TRIM55: variants seen among roughly 807,000 people sequenced by gnomAD.
The protein encoded by TRIM55 is tripartite motif-containing protein 55.
TRIM55 carries 50 observed loss-of-function variants against 60.9 expected under a neutral mutation model. That is an observed-to-expected ratio of 0.82 (90% confidence interval 0.65 to 1.04). TRIM55 has a LOEUF of 1.04. Among genes scored for constraint, TRIM55 ranks in the 50% least tolerant of loss-of-function variants. The pLI is 0.00. For synonymous variants in TRIM55, 237 were observed against 238.1 expected, an observed-to-expected ratio of 1.00 and a Z score of 0.04; for missense variants, 681 against 666.9, an observed-to-expected ratio of 1.02 and a Z score of -0.23.
chr8:66,116,520 T>G, the TRIM55 span, among the ~76,000 whole-genome samples: 1 of 150,852 alleles, frequency 6.6e-6, no homozygotes, highest in Non-Finnish European at 1.5e-5. Flanking sequence ...GGTAGGAGGA[T>G]CTCTTGAACC....
At chr8:66,122,189 G>A (rs941380556), upstream of TRIM55, among the ~76,000 whole-genome samples, 2 of 152,108 alleles carry the variant, frequency 1.3e-5, no homozygotes, top group African/African-American at 2.4e-5. Context: ...AAGCTAAAGG[G>A]AAAAGTCAAG....
intron 4 of TRIM55, among the ~76,000 whole-genome samples, chr8:66,138,185 T>C (rs1204585197): frequency 1.3e-5 from 2 of 152,200 alleles, no homozygotes; most frequent in African/African-American, 4.8e-5. Context: ...GCCTCTCTTG[T>C]TATCTATTTA....
the TRIM55 span, among the ~76,000 whole-genome samples, chr8:66,115,542 C>A: frequency 6.6e-6 from 1 of 152,144 alleles, no homozygotes; most frequent in Non-Finnish European, 1.5e-5. Context: ...GGAAGTAATG[C>A]GCCCAAAACC....
intron 7 of TRIM55, 81 bp downstream of exon 7, chr8:66,150,547 A>AT: frequency 1.3e-6 from 2 of 1,517,016 alleles, no homozygotes; most frequent in Admixed American, 3.5e-5. Flanking sequence ...GAAAGCGGGG[A>AT]TTCAGAATCA....
At chr8:66,169,397 A>T (rs767211382) in intron 9 of TRIM55, among the ~76,000 whole-genome samples, 1 of 152,184 alleles carries the variant, frequency 6.6e-6, no homozygotes, top group Non-Finnish European at 1.5e-5. Flanking sequence ...CACTGTCAAG[A>T]TTCTTGCCAT....
upstream of TRIM55, among the ~76,000 whole-genome samples, chr8:66,124,561 C>T (rs1808750061): frequency 1.3e-5 from 2 of 152,116 alleles, 1 homozygote; most frequent in Admixed American, 1.3e-4. Flanking sequence ...CAAACACTAC[C>T]CCCACCCATG....
At chr8:66,151,230 C>A (rs1810401491) in intron 7 of TRIM55, among the ~76,000 whole-genome samples, 1 of 152,126 alleles carries the variant, frequency 6.6e-6, no homozygotes, top group Non-Finnish European at 1.5e-5. Flanking sequence ...TGAACATAAA[C>A]CTGGGTCTGT....
rs533673065 is a variant in TRIM55 at position 66,174,682 on chromosome 8, G to A, written c.*89G>A. 2 of 1,364,512 alleles carry A rather than the reference G, an allele frequency of 1.5e-6. No homozygotes were observed. The highest frequency in any genetic ancestry group is 1.6e-5 in the South Asian group (1 of 62,282). The allele number at this position is 1,364,512 out of a possible 1,614,324, so 84.5% of individuals were successfully genotyped here. A position where few individuals can be genotyped will look rare whatever the true frequency, so the allele number is the denominator to read the frequency against. On this transcript the variant is annotated 3_prime_UTR_variant, in exon 10 of 10. Coordinates refer to ENST00000315962, the MANE Select transcript of TRIM55 (RefSeq NM_184085.2). ...CAAGTGAAATTAATATTATGCAGAT[G>A]ATGAAAGGGACCTCTGAACAGGATT...
intron 2 of TRIM55, among the ~76,000 whole-genome samples, chr8:66,132,491 A>G (rs1231217740): frequency 6.6e-6 from 1 of 152,136 alleles, no homozygotes; most frequent in African/African-American, 2.4e-5. Flanking sequence ...TACTACTTCA[A>G]TTGCCTCACC....
rs751135311 is a variant in TRIM55, at chr8:66,127,466, A to G, written c.168+30A>G. On this transcript the variant is annotated intron_variant, in intron 1 of 9. Coordinates refer to ENST00000315962, the MANE Select transcript of TRIM55 (RefSeq NM_184085.2). ...GTTTGTTTGGAATTTGGTTGAGGGGAGGGGGTGGAAAAGATTCCCTCCTCT... is the reference window on the plus strand; with the variant it reads ...GTTTGTTTGGAATTTGGTTGAGGGGGGGGGGTGGAAAAGATTCCCTCCTCT... 9.6e-6 allele frequency: 12 copies of G among 1,245,610 alleles called. No homozygotes were observed. The South Asian group carries it at 1.2e-4, about 12-fold the overall frequency. 77.2% of individuals were successfully genotyped at this position (1,245,610 alleles called of 1,614,324 possible).
chr8:66,122,625 G>C (rs922630819), upstream of TRIM55, among the ~76,000 whole-genome samples: 2 of 152,056 alleles, frequency 1.3e-5, no homozygotes, highest in African/African-American at 4.8e-5. Flanking sequence ...ATGATTCTAA[G>C]CCCCCCAACT....
rs1586274268 is a variant in TRIM55, at chr8:66,174,371, G to A, written c.1525-100G>A. 4 of 846,508 alleles carry A rather than the reference G, an allele frequency of 4.7e-6. No homozygotes were observed. The East Asian group carries it at 1.3e-4, about 28-fold the overall frequency. 52.4% of individuals were successfully genotyped at this position (846,508 alleles called of 1,614,324 possible). On this transcript the variant is annotated intron_variant, in intron 9 of 9. Coordinates refer to ENST00000315962, the MANE Select transcript of TRIM55 (RefSeq NM_184085.2). Reference sequence around the variant, plus strand: ...TAATATTGTTATTATAATAATAATTGTTATTATTATTATACTTTCTCCTCA... The same window carrying A: ...TAATATTGTTATTATAATAATAATTATTATTATTATTATACTTTCTCCTCA...
intron 9 of TRIM55, among the ~76,000 whole-genome samples, chr8:66,158,724 A>G (rs1429836700): frequency 1.3e-5 from 2 of 152,242 alleles, no homozygotes; most frequent in African/African-American, 4.8e-5. Flanking sequence ...ATAGATTCTC[A>G]GTGAGTTAGA....
chr8:66,141,627 T>C (rs964316407), intron 4 of TRIM55, among the ~76,000 whole-genome samples: 12 of 152,246 alleles, frequency 7.9e-5, no homozygotes, highest in Admixed American at 5.2e-4. Context: ...TGTCACTGGA[T>C]ACTTAAGGGC....
chr8:66,135,624 T>C (rs796681373), intron 3 of TRIM55, among the ~76,000 whole-genome samples: 7 of 146,582 alleles, frequency 4.8e-5, no homozygotes, highest in Admixed American at 4.8e-4. Flanking sequence ...CCCGCACTCT[T>C]AGTGAGGGAG....
chr8:66,171,694 T>G (rs1201740083), intron 9 of TRIM55, among the ~76,000 whole-genome samples: 1 of 152,160 alleles, frequency 6.6e-6, no homozygotes, highest in Non-Finnish European at 1.5e-5. Flanking sequence ...TTTAAGAAAC[T>G]ATTTGAAGGA....
intron 3 of TRIM55, among the ~76,000 whole-genome samples, chr8:66,136,697 G>GC (rs1809499428): frequency 6.6e-6 from 1 of 152,144 alleles, no homozygotes. Flanking sequence ...ATATTCTTAT[G>GC]CCCATAATAA....
rs1040441476 is a variant in TRIM55, at chr8:66,175,456, T to C, written c.*863T>C. 1 of 152,254 alleles carries C rather than the reference T, an allele frequency of 6.6e-6. No individual in the cohort carries two copies. The highest frequency in any genetic ancestry group is 1.5e-5 in the Non-Finnish European group (1 of 68,042). 9.4% of individuals were successfully genotyped at this position (152,254 alleles called of 1,614,324 possible). A position where few individuals can be genotyped will look rare whatever the true frequency, so the allele number is the denominator to read the frequency against. On this transcript the variant is annotated 3_prime_UTR_variant, in exon 10 of 10. Transcript: ENST00000315962. ...TTCAGAACATAAGTGTAACTTTATA[T>C]GAACTCTTAAATAAATGATGTTTTT...
At chr8:66,147,152 A>G (rs545931963) in intron 4 of TRIM55, among the ~76,000 whole-genome samples, 84 of 152,350 alleles carry the variant, frequency 5.5e-4, no homozygotes, top group Non-Finnish European at 7.9e-4. Context: ...AGTCTTTCTC[A>G]GTGAACTGTG....
Sources: allele counts gnomAD v4.1 joint callset (sites outside exome capture counted in the v4.1 genomes callset), GRCh38; gene constraint gnomAD v4.1.1; transcripts MANE v1.5; gene names NCBI Gene and HGNC (gene_info 2026-07-23, HGNC 2026-07-21).